The following PHACTR3 variants were observed in gnomAD, a reference collection of about 807,000 sequenced individuals.
The protein encoded by PHACTR3 is phosphatase and actin regulator 3, also known as protein phosphatase 1, regulatory subunit 123.
Under a neutral mutation model 66.8 loss-of-function variants are expected in PHACTR3, and 16 were observed. The observed-to-expected ratio is 0.24, with a 90% CI of 0.16 to 0.36. The LOEUF is 0.36. PHACTR3 is among the 10% of genes least tolerant of loss of function. The pLI is 1.00. For synonymous variants in PHACTR3, 323 were observed against 292.1 expected, an observed-to-expected ratio of 1.11 and a Z score of -1.08; for missense variants, 647 against 719.9, an observed-to-expected ratio of 0.90 and a Z score of 1.16.
chr20:59,598,987 C>A (rs2033400138), intron 1 of PHACTR3, among the ~76,000 whole-genome samples: 1 of 152,326 alleles, frequency 6.6e-6, no homozygotes, highest in East Asian at 1.9e-4. Context: ...GTGGCTTGAG[C>A]AGTTCTTCTT....
intron 1 of PHACTR3, among the ~76,000 whole-genome samples, chr20:59,587,536 C>A (rs1054475718): frequency 2.6e-5 from 4 of 152,346 alleles, no homozygotes; most frequent in Non-Finnish European, 5.9e-5. Flanking sequence ...TAAAGCATCA[C>A]CGATTTATTG....
chr20:59,795,891 C>T (rs1448263896), intron 7 of PHACTR3, among the ~76,000 whole-genome samples: 1 of 152,068 alleles, frequency 6.6e-6, no homozygotes, highest in East Asian at 1.9e-4. Flanking sequence ...AGGCAGCATA[C>T]AATTAGGTCT....
intron 1 of PHACTR3, among the ~76,000 whole-genome samples, chr20:59,597,739 A>G (rs543618396): frequency 6.6e-6 from 1 of 152,358 alleles, no homozygotes; most frequent in South Asian, 2.1e-4. Context: ...GGAGGGAGAC[A>G]GGTGCAAGGT....
In PHACTR3 at chr20:59,674,890, C is replaced by T. The variant is rs538204895; in HGVS notation, c.119-68217C>T. 1.4e-3 allele frequency among the ~76,000 whole-genome samples: 143 copies of T among 99,992 alleles called. 1 individual carries two copies. The highest frequency in any genetic ancestry group is 2.2e-3 in the African/African-American group (51 of 23,446). 65.6% of individuals were successfully genotyped at this position (99,992 alleles called of 152,430 possible). On this transcript the variant is annotated intron_variant, in intron 1 of 12. Transcript: ENST00000371015. ...TTCTCCTGTCCCCCGCTTCTCCTGT[C>T]TCTGCCTTCTCCTGCCTTCTCCTAT...
chr20:59,775,354 C>CGGGCAT (rs2040501392), intron 7 of PHACTR3, among the ~76,000 whole-genome samples: 1 of 152,032 alleles, frequency 6.6e-6, no homozygotes, highest in African/African-American at 2.4e-5. Flanking sequence ...GTGACTGTTG[C>CGGGCAT]GGGCATGGGC....
intron 9 of PHACTR3, among the ~76,000 whole-genome samples, chr20:59,839,985 T>C (rs1568874933): frequency 6.6e-6 from 1 of 152,234 alleles, no homozygotes; most frequent in Non-Finnish European, 1.5e-5. Context: ...TTTATTTACT[T>C]AGTCTACTAC....
chr20:59,633,393 A>C (rs1214498349), intron 1 of PHACTR3, among the ~76,000 whole-genome samples: 1 of 152,148 alleles, frequency 6.6e-6, no homozygotes, highest in Non-Finnish European at 1.5e-5. Context: ...CAGCAAACTA[A>C]CACAGGAACA....
At chr20:59,822,711 G>T (rs1232028096) in intron 8 of PHACTR3, among the ~76,000 whole-genome samples, 1 of 152,188 alleles carries the variant, frequency 6.6e-6, no homozygotes, top group Non-Finnish European at 1.5e-5. Flanking sequence ...CGTTCAGTCA[G>T]CCTGACGGGC....
chr20:59,660,627 T>G (rs982059612), intron 1 of PHACTR3, among the ~76,000 whole-genome samples: 12 of 152,262 alleles, frequency 7.9e-5, no homozygotes, highest in Admixed American at 5.9e-4. Flanking sequence ...AATTCCCTGT[T>G]ATTGCACTAC....
chr20:59,707,461 T>TA (rs2037749902), intron 1 of PHACTR3, among the ~76,000 whole-genome samples: 3 of 144,428 alleles, frequency 2.1e-5, no homozygotes, highest in South Asian at 2.3e-4. Context: ...CCCACTCTTT[T>TA]TTTTTTTTTT....
At chr20:59,673,802 C>T (rs573343303) in intron 1 of PHACTR3, among the ~76,000 whole-genome samples, 17 of 152,182 alleles carry the variant, frequency 1.1e-4, no homozygotes, top group Admixed American at 6.5e-4. Flanking sequence ...GTGGTATCTA[C>T]ACCCCTCCCA....
intron 1 of PHACTR3, among the ~76,000 whole-genome samples, chr20:59,659,459 G>A (rs1194131638): frequency 1.4e-5 from 2 of 140,264 alleles, no homozygotes; most frequent in African/African-American, 5.4e-5. Flanking sequence ...TGCAACCTCT[G>A]CCTCCTGGAT....
chr20:59,649,422 C>T (rs1363348262), intron 1 of PHACTR3, among the ~76,000 whole-genome samples: 1 of 151,898 alleles, frequency 6.6e-6, no homozygotes, highest in Admixed American at 6.6e-5. Flanking sequence ...TTATAAATAG[C>T]AGCAACATGT....
At chr20:59,845,155 TC>T in intron 11 of PHACTR3, 33 bp from the exon 12 acceptor site, 1 of 1,321,118 alleles carries the variant, frequency 7.6e-7, no homozygotes, top group East Asian at 2.3e-5. Context: ...TTTTTTAATA[TC>T]CTGTAAAACA....
At chr20:59,616,657 T>G (rs1299766793) in intron 1 of PHACTR3, among the ~76,000 whole-genome samples, 1 of 152,222 alleles carries the variant, frequency 6.6e-6, no homozygotes, top group Non-Finnish European at 1.5e-5. Context: ...GTGGCTGCGC[T>G]GAGCTGACCA....
intron 7 of PHACTR3, among the ~76,000 whole-genome samples, chr20:59,802,594 A>T (rs1349854262): frequency 6.6e-6 from 1 of 152,172 alleles, no homozygotes; most frequent in African/African-American, 2.4e-5. Flanking sequence ...CCTGAGCCCC[A>T]CACGTTTGTG....
chr20:59,778,435 G>C (rs558182392), intron 7 of PHACTR3, among the ~76,000 whole-genome samples: 4 of 152,268 alleles, frequency 2.6e-5, no homozygotes, highest in Non-Finnish European at 5.9e-5. Context: ...GACTCTTGCT[G>C]TCCCTGGAGG....
At chr20:59,677,816 G>A (rs537290473) in intron 1 of PHACTR3, among the ~76,000 whole-genome samples, 7 of 152,280 alleles carry the variant, frequency 4.6e-5, no homozygotes, top group African/African-American at 1.4e-4. Flanking sequence ...ATACACAATC[G>A]AAGAATAACA....
chr20:59,712,466 A>AT (rs1415135335), intron 1 of PHACTR3, among the ~76,000 whole-genome samples: 12 of 151,858 alleles, frequency 7.9e-5, no homozygotes, highest in Non-Finnish European at 1.5e-4. Context: ...CTTCCTTGTC[A>AT]TTTTTTTATA....
Sources: gnomAD v4.1 joint callset for allele counts (sites outside exome capture counted in the v4.1 genomes callset) on GRCh38, gnomAD v4.1.1 for gene constraint, MANE v1.5 for transcripts, NCBI Gene and HGNC (gene_info 2026-07-23, HGNC 2026-07-21) for gene names.